Variants in ABR observed in about 807,000 individuals in gnomAD.
ABR encodes active breakpoint cluster region-related protein.
Under a neutral mutation model 107.2 loss-of-function variants are expected in ABR, and 35 were observed. The ratio of observed to expected loss-of-function variants is 0.33; its 90% confidence interval spans 0.25 to 0.43. The LOEUF is 0.43. Among genes scored for constraint, ABR ranks in the 20% least tolerant of loss-of-function variants. The probability of loss-of-function intolerance (pLI) is 1.00; values close to 1 mark genes in which losing one functional copy is unlikely to be tolerated. For synonymous variants in ABR, 498 were observed against 462.0 expected (o/e 1.08, Z -1.00); for missense variants, 815 against 1,115.2 (o/e 0.73, Z 3.83).
intron 1 of ABR, among the ~76,000 whole-genome samples, chr17:1,149,662 C>T (rs1471209362): frequency 6.6e-6 from 1 of 152,250 alleles, no homozygotes; most frequent in South Asian, 2.1e-4. Context: ...GGTGATCTAC[C>T]CACCTTAGCC....
chr17:1,065,896 C>G (rs888833829), intron 10 of ABR, among the ~76,000 whole-genome samples: 2 of 152,046 alleles, frequency 1.3e-5, no homozygotes, highest in Non-Finnish European at 2.9e-5. Context: ...CAGGCGGAAG[C>G]CACCACGCCA....
chr17:1,096,203 C>T (rs2037411022), intron 3 of ABR, among the ~76,000 whole-genome samples: 1 of 152,212 alleles, frequency 6.6e-6, no homozygotes, highest in African/African-American at 2.4e-5. Flanking sequence ...CACAAGCACC[C>T]CAGAGGCCAG....
intron 6 of ABR, among the ~76,000 whole-genome samples, 192 bp from the exon 7 acceptor site, chr17:1,073,869 ACACACAGCC>A (rs895855455): frequency 1.2e-4 from 18 of 151,798 alleles, no homozygotes; most frequent in African/African-American, 3.9e-4. Context: ...GACACAGGTG[ACACACAGCC>A]CTGGCAGCCC....
At chr17:1,006,624 T>C (rs1386584112) in intron 22 of ABR, among the ~76,000 whole-genome samples, 1 of 152,088 alleles carries the variant, frequency 6.6e-6, no homozygotes, top group Non-Finnish European at 1.5e-5. Flanking sequence ...GGCAGAAGTG[T>C]CTACAGTCCT....
chr17:1,209,891 C>T (rs909543618), intron 1 of ABR, among the ~76,000 whole-genome samples: 1 of 152,146 alleles, frequency 6.6e-6, no homozygotes, highest in East Asian at 1.9e-4. Flanking sequence ...TATCAAAGTC[C>T]AGCAGGTATC....
intron 1 of ABR, among the ~76,000 whole-genome samples, chr17:1,186,618 G>A (rs2042303898): frequency 6.6e-6 from 1 of 152,214 alleles, no homozygotes; most frequent in Admixed American, 6.5e-5. Flanking sequence ...AGAGCCGCTG[G>A]CTTAGATTAT....
At chr17:1,060,204 A>C (rs138251105) in intron 10 of ABR, among the ~76,000 whole-genome samples, 8 of 152,260 alleles carry the variant, frequency 5.3e-5, no homozygotes, top group African/African-American at 1.7e-4. Flanking sequence ...TGAGGTCAGG[A>C]GTTCGAGACC....
intron 1 of ABR, among the ~76,000 whole-genome samples, chr17:1,195,575 C>T (rs1411082566): frequency 2.0e-5 from 3 of 150,578 alleles, no homozygotes; most frequent in Non-Finnish European, 4.4e-5. Flanking sequence ...GAGGCCGAGG[C>T]GGGTGGATCA....
At chr17:1,080,536 C>CGGTCAGGTGCCCAGGTGATGAGGCCAG (rs1197713714) in intron 5 of ABR, among the ~76,000 whole-genome samples, 2 of 151,910 alleles carry the variant, frequency 1.3e-5, no homozygotes, top group East Asian at 3.9e-4. Flanking sequence ...GGTGAGGCCA[C>CGGTCAGGTGCCCAGGTGATGAGGCCAG]GGTCAGGTGC....
chr17:1,150,722 C>G lies in ABR; in HGVS notation c.62-25355G>C, dbSNP rs933351672. Among the ~76,000 whole-genome samples the G allele has an allele frequency of 6.6e-6, 1 of 152,140 alleles. No individual in the cohort carries two copies. The highest frequency in any genetic ancestry group is 2.4e-5 in the African/African-American group (1 of 41,422). ...CTGCACGGCTCTAAACCAGAGGCAA[C>G]AGGGCACCCCACCCACTGGGAACCA... is the stretch of plus-strand genomic sequence containing the variant. On this transcript the variant is annotated intron_variant, in intron 1 of 22. Transcript: ENST00000302538. This position sits in a 1 kb window ranked among gnomAD's most constrained non-coding sequence, Gnocchi z 4.8.
intron 3 of ABR, among the ~76,000 whole-genome samples, chr17:1,096,830 G>C (rs1030235989): frequency 2.0e-5 from 3 of 147,554 alleles, no homozygotes; most frequent in East Asian, 2.0e-4. Flanking sequence ...GCTGGGGAAG[G>C]GGGGAAACCT....
chr17:1,159,781 A>T (rs1489077101), intron 1 of ABR, among the ~76,000 whole-genome samples: 5 of 150,540 alleles, frequency 3.3e-5, no homozygotes, highest in Middle Eastern at 3.2e-3. Flanking sequence ...CACAGGAAGC[A>T]CTCAGTAAAA....
At chr17:1,153,531 G>T (rs1192196785) in intron 1 of ABR, among the ~76,000 whole-genome samples, 4 of 125,360 alleles carry the variant, frequency 3.2e-5, no homozygotes, top group African/African-American at 9.3e-5. Flanking sequence ...GGAGGGCTGG[G>T]GACCCAGGCA....
At chr17:1,040,715 C>T (rs1002018447) in intron 16 of ABR, among the ~76,000 whole-genome samples, 4 of 152,220 alleles carry the variant, frequency 2.6e-5, no homozygotes, top group African/African-American at 9.6e-5. Context: ...GTACTGACTC[C>T]ATGCCAGGCC....
intron 16 of ABR, among the ~76,000 whole-genome samples, chr17:1,023,819 G>C (rs2071923766): frequency 1.3e-5 from 2 of 152,240 alleles, no homozygotes; most frequent in South Asian, 4.1e-4. Flanking sequence ...GAGGTCAGGA[G>C]TTCGAGACCA....
chr17:1,193,277 C>G (rs960301390), intron 1 of ABR, among the ~76,000 whole-genome samples: 13 of 151,156 alleles, frequency 8.6e-5, no homozygotes, highest in Admixed American at 5.3e-4. Flanking sequence ...ACCCCCTCCC[C>G]CTCAATACCC....
At position 1,012,794 on chromosome 17, in the gene ABR, T is replaced by C; in HGVS notation, c.1855A>G (p.Lys619Glu). The C allele has an allele frequency of 6.3e-7, 1 of 1,578,616 alleles. No homozygotes were observed. The highest frequency in any genetic ancestry group is 8.6e-7 in the Non-Finnish European group (1 of 1,160,658). ...HTDVIEMNGI[K>E]VEFSMKFTSR... is the part of the protein sequence containing the mutation. ...GTGAATTTCATGGAAAATTCCACTT[T>C]GATCTGGTTGGGGGGTGAGGCAGGT... Residue 619 changes from lysine (K) to glutamate (E), a missense_variant, in exon 18 of 23, where the codon AAA becomes GAA. By Grantham distance (56) the Lys-to-Glu change is moderately conservative (BLOSUM62 1). This residue lies in a region of ABR where 92 missense variants were observed against 82.3 expected (regional missense o/e 1.12). Coordinates refer to ENST00000302538, the MANE Select transcript of ABR (RefSeq NM_021962.5).
chr17:1,041,161 G>A (rs894796235), intron 16 of ABR, among the ~76,000 whole-genome samples: 3 of 151,670 alleles, frequency 2.0e-5, no homozygotes, highest in Non-Finnish European at 2.9e-5. Flanking sequence ...CTCATGATCC[G>A]CCCGCCTCGG....
At chr17:1,107,426 G>C (rs2038328648) in intron 2 of ABR, among the ~76,000 whole-genome samples, 1 of 152,254 alleles carries the variant, frequency 6.6e-6, no homozygotes, top group Non-Finnish European at 1.5e-5. Flanking sequence ...TCCTCCAGGA[G>C]AATGGGATAT....
Sources: gnomAD v4.1 joint callset for allele counts (sites outside exome capture counted in the v4.1 genomes callset) on GRCh38, gnomAD v4.1.1 for gene constraint, gnomAD v4.1.1 regional missense constraint, Gnocchi (gnomAD v3.1) non-coding constraint, MANE v1.5 for transcripts, NCBI Gene and HGNC (gene_info 2026-07-23, HGNC 2026-07-21) for gene names.